Variants in TDRD7 observed in about 807,000 individuals in gnomAD.
TDRD7 encodes tudor domain-containing protein 7.
A neutral mutation model predicts 109.8 loss-of-function variants in TDRD7; 47 were observed. The ratio of observed to expected loss-of-function variants is 0.43; its 90% CI spans 0.34 to 0.55. The LOEUF (loss-of-function observed/expected upper bound fraction) is 0.55. Among genes scored for constraint, TDRD7 ranks in the 20% least tolerant of loss-of-function variants. The pLI is 0.03. For synonymous variants in TDRD7, 424 were observed against 457.3 expected, an observed-to-expected ratio of 0.93 and a Z score of 0.93; for missense variants, 1,164 against 1,319.2, an observed-to-expected ratio of 0.88 and a Z score of 1.82.
At chr9:97,453,173 C>T (rs7024465) in intron 6 of TDRD7, among the ~76,000 whole-genome samples, 79,201 of 152,040 alleles carry the variant, frequency 0.52, 20,861 homozygotes, top group African/African-American at 0.59. Context: ...CTACCACCCA[C>T]TTCAGAGAAA....
intron 6 of TDRD7, 54 bp from the exon 7 acceptor site, chr9:97,460,124 G>A: frequency 6.9e-7 from 1 of 1,454,734 alleles, no homozygotes; most frequent in Non-Finnish European, 9.7e-7. Flanking sequence ...ATGTGTTTGT[G>A]GGTTGTTTAT....
chr9:97,482,725 T>G (rs1429866438), intron 14 of TDRD7, 124 bp from the exon 15 acceptor site: 2 of 1,003,522 alleles, frequency 2.0e-6, no homozygotes, highest in Admixed American at 2.5e-5. Context: ...TTTCCTTAAA[T>G]AAAATGGATT....
At chr9:97,414,009 AC>A (rs2118180234) in intron 1 of TDRD7, among the ~76,000 whole-genome samples, 1 of 152,206 alleles carries the variant, frequency 6.6e-6, no homozygotes, top group South Asian at 2.1e-4. Flanking sequence ...ATATAATCCA[AC>A]CCCGAGTGCC....
At chr9:97,464,171 C>A (rs1828781056) in intron 7 of TDRD7, among the ~76,000 whole-genome samples, 1 of 152,204 alleles carries the variant, frequency 6.6e-6, no homozygotes, top group Non-Finnish European at 1.5e-5. Context: ...TTGGTGTCTC[C>A]ATTTTCCACG....
intron 1 of TDRD7, among the ~76,000 whole-genome samples, chr9:97,422,254 G>C (rs1451749475): frequency 6.6e-6 from 1 of 152,098 alleles, no homozygotes; most frequent in Admixed American, 6.5e-5. Flanking sequence ...AATTAGCCAG[G>C]CATGGTGGCA....
chr9:97,442,133 T>G (rs1828317225), intron 6 of TDRD7, among the ~76,000 whole-genome samples: 1 of 152,214 alleles, frequency 6.6e-6, no homozygotes, highest in South Asian at 2.1e-4. Context: ...ATTTAATATG[T>G]GATAATATGT....
chr9:97,464,935 G>C lies in TDRD7; in HGVS notation c.1536G>C (p.Gln512His). ...YSKNPKITPV[Q>H]AVNVGQLLAV... ...AGAATCCTAAGATCACACCAGTCCA[G>C]GCTGTGAATGTTGGGCAGTTGCTGG... Residue 512 changes from glutamine to histidine, a missense_variant, in exon 8 of 17, where the codon CAG becomes CAC. By Grantham distance (24) the Gln-to-His change is conservative. This residue lies in a region of TDRD7 where 261 missense variants were observed against 336.2 expected (regional missense o/e 0.78). Transcript: ENST00000355295. The C allele has an allele frequency of 6.2e-7, 1 of 1,614,168 alleles. No homozygotes were observed. The highest frequency in any genetic ancestry group is 8.5e-7 in the Non-Finnish European group (1 of 1,180,032).
intron 1 of TDRD7, among the ~76,000 whole-genome samples, chr9:97,416,514 C>T (rs946950461): frequency 2.6e-5 from 4 of 152,144 alleles, no homozygotes; most frequent in Non-Finnish European, 5.9e-5. Context: ...ATATTCAAGC[C>T]GTGCCTGCTG....
At position 97,431,090 on chromosome 9, in the gene TDRD7, A is replaced by T. The variant is rs767561084; in HGVS notation, c.349+16A>T. 1 of 1,613,648 alleles carries T rather than the reference A, an allele frequency of 6.2e-7. No homozygotes were observed. Among genetic ancestry groups the T allele is most frequent in the Non-Finnish European group, 8.5e-7 (1 of 1,179,662 alleles). On this transcript the variant is annotated intron_variant, in intron 3 of 16. Coordinates refer to ENST00000355295, the MANE Select transcript of TDRD7 (RefSeq NM_014290.3). ...TTTCTAGAAGGTAGGAGCTTTTTACATGCTAAAATTTTTAGGGCTGTCTAC... is the reference window on the plus strand; with the variant it reads ...TTTCTAGAAGGTAGGAGCTTTTTACTTGCTAAAATTTTTAGGGCTGTCTAC...
At chr9:97,471,629 A>G (rs1450537515) in intron 9 of TDRD7, among the ~76,000 whole-genome samples, 1 of 152,238 alleles carries the variant, frequency 6.6e-6, no homozygotes, top group East Asian at 1.9e-4. Flanking sequence ...GGAAATAGGC[A>G]TTATAGTACC....
rs1462361125 is a variant in TDRD7, at chr9:97,412,479, G to A, written c.-7+241G>A. Among the ~76,000 whole-genome samples, 2 of 152,298 alleles carry A rather than the reference G, an allele frequency of 1.3e-5. No individual in the cohort carries two copies. The highest frequency in any genetic ancestry group is 3.9e-4 in the East Asian group (2 of 5,168). ...GCGTTGTGTTTTAAATCTCTGAAGGGACCCTGCTCCGGGCCGGGCGTTCAC... is the reference window on the plus strand; with the variant it reads ...GCGTTGTGTTTTAAATCTCTGAAGGAACCCTGCTCCGGGCCGGGCGTTCAC... On this transcript the variant is annotated intron_variant, in intron 1 of 16. Coordinates refer to ENST00000355295, the MANE Select transcript of TDRD7 (RefSeq NM_014290.3). The surrounding 1 kb of genome is among the most constrained non-coding windows in gnomAD (Gnocchi z 4.3).
chr9:97,420,364 T>TTGGG (rs1827878480), intron 1 of TDRD7, among the ~76,000 whole-genome samples: 1 of 66,880 alleles, frequency 1.5e-5, no homozygotes, highest in African/African-American at 6.8e-5. Context: ...AACTTTTTTT[T>TTGGG]GGGGGGGGCG....
chr9:97,414,009 A>C (rs750730762), intron 1 of TDRD7, among the ~76,000 whole-genome samples: 9 of 152,088 alleles, frequency 5.9e-5, no homozygotes, highest in African/African-American at 1.7e-4. Context: ...ATATAATCCA[A>C]CCCCGAGTGC....
chr9:97,417,184 G>C (rs1481815013), intron 1 of TDRD7, among the ~76,000 whole-genome samples: 1 of 152,118 alleles, frequency 6.6e-6, no homozygotes, highest in Non-Finnish European at 1.5e-5. Flanking sequence ...CATGTTCAAG[G>C]AAAAGCATGG....
At chr9:97,477,255 A>G (rs938610885) in intron 12 of TDRD7, among the ~76,000 whole-genome samples, 10 of 152,236 alleles carry the variant, frequency 6.6e-5, no homozygotes, top group African/African-American at 2.4e-4. Context: ...AATTGACATT[A>G]ATACAAAACC....
intron 4 of TDRD7, among the ~76,000 whole-genome samples, chr9:97,434,725 T>C (rs1828164126): frequency 6.6e-6 from 1 of 152,194 alleles, no homozygotes; most frequent in African/African-American, 2.4e-5. Flanking sequence ...TGTCCACTTA[T>C]GTTCACTATA....
intron 9 of TDRD7, 25 bp downstream of exon 9, chr9:97,470,694 C>T: frequency 6.4e-7 from 1 of 1,567,274 alleles, no homozygotes; most frequent in South Asian, 1.1e-5. Context: ...TTAAAAAACT[C>T]TCTCCATTTC....
At chr9:97,446,392 C>G (rs1327943530) in intron 6 of TDRD7, among the ~76,000 whole-genome samples, 1 of 152,160 alleles carries the variant, frequency 6.6e-6, no homozygotes, top group East Asian at 1.9e-4. Flanking sequence ...CTATGTTGGG[C>G]TGGAGGCACA....
At position 97,431,086 on chromosome 9, in the gene TDRD7, T is replaced by A; in HGVS notation, c.349+12T>A. Reference sequence around the variant, plus strand: ...ATTTTTTCTAGAAGGTAGGAGCTTTTTACATGCTAAAATTTTTAGGGCTGT... The same window carrying A: ...ATTTTTTCTAGAAGGTAGGAGCTTTATACATGCTAAAATTTTTAGGGCTGT... On this transcript the variant is annotated intron_variant, in intron 3 of 16. Coordinates refer to ENST00000355295, the MANE Select transcript of TDRD7 (RefSeq NM_014290.3). The A allele has an allele frequency of 6.2e-7, 1 of 1,613,698 alleles. No individual in the cohort carries two copies. The highest frequency in any genetic ancestry group is 1.3e-5 in the African/African-American group (1 of 75,024).
Sources: gnomAD v4.1 joint callset for allele counts (sites outside exome capture counted in the v4.1 genomes callset) on GRCh38, gnomAD v4.1.1 for gene constraint, gnomAD v4.1.1 regional missense constraint, Gnocchi (gnomAD v3.1) non-coding constraint, MANE v1.5 for transcripts, NCBI Gene and HGNC (gene_info 2026-07-23, HGNC 2026-07-21) for gene names.